The following SHROOM3 variants were observed in gnomAD, a reference collection of about 807,000 sequenced individuals.
The protein encoded by SHROOM3 is shroom family member 3.
SHROOM3 carries 47 observed loss-of-function variants against 138.6 expected under a neutral mutation model. The observed-to-expected ratio is 0.34, with a 90% confidence interval of 0.27 to 0.43. The LOEUF (loss-of-function observed/expected upper bound fraction) is 0.43, where lower values mean the gene tolerates loss of function less well. SHROOM3 is among the 20% of genes least tolerant of loss of function. The probability of loss-of-function intolerance (pLI) is 1.00; values close to 1 mark genes in which losing one functional copy is unlikely to be tolerated. For synonymous variants in SHROOM3, 1,062 were observed against 1,063.3 expected (o/e 1.00, Z 0.02); for missense variants, 2,491 against 2,596.5 (o/e 0.96, Z 0.88).
intron 1 of SHROOM3, among the ~76,000 whole-genome samples, chr4:76,520,985 G>A (rs1307249139): frequency 6.6e-6 from 1 of 152,198 alleles, no homozygotes; most frequent in Non-Finnish European, 1.5e-5. Context: ...TTCTGTTGTG[G>A]TAACGAGGGA....
At chr4:76,668,665 G>A (rs1324497541) in intron 2 of SHROOM3, among the ~76,000 whole-genome samples, 2 of 152,188 alleles carry the variant, frequency 1.3e-5, no homozygotes, top group African/African-American at 4.8e-5. Flanking sequence ...GAATGATAGG[G>A]ATTGTCAATG....
At chr4:76,773,103 G>A (rs1421078427) in intron 10 of SHROOM3, among the ~76,000 whole-genome samples, 8 of 152,214 alleles carry the variant, frequency 5.3e-5, no homozygotes, top group Admixed American at 3.3e-4. Context: ...AAGGCTGGGT[G>A]CAGTGGCTCA....
At chr4:76,481,986 G>T (rs1359112350) in intron 1 of SHROOM3, among the ~76,000 whole-genome samples, 1 of 152,032 alleles carries the variant, frequency 6.6e-6, no homozygotes, top group African/African-American at 2.4e-5. Context: ...AATAAACTAG[G>T]TATTGATGGA....
At chr4:76,467,560 A>G (rs1056908304) in intron 1 of SHROOM3, among the ~76,000 whole-genome samples, 2 of 152,166 alleles carry the variant, frequency 1.3e-5, no homozygotes, top group Non-Finnish European at 2.9e-5. Context: ...AATGAAGTAC[A>G]TACAGTCTAG....
chr4:76,765,949 T>G (rs746847238), intron 9 of SHROOM3, among the ~76,000 whole-genome samples: 1 of 152,366 alleles, frequency 6.6e-6, no homozygotes, highest in South Asian at 2.1e-4. Flanking sequence ...CTGTTATGAC[T>G]TCTTTTGAAA....
intron 2 of SHROOM3, among the ~76,000 whole-genome samples, chr4:76,677,518 A>G (rs1240824551): frequency 1.3e-5 from 2 of 152,228 alleles, no homozygotes; most frequent in Non-Finnish European, 2.9e-5. Flanking sequence ...GAGGTGAATG[A>G]CCAGGCAGCA....
intron 10 of SHROOM3, among the ~76,000 whole-genome samples, chr4:76,774,699 GT>G (rs1470183448): frequency 3.0e-5 from 4 of 135,370 alleles, no homozygotes; most frequent in Non-Finnish European, 6.4e-5. Context: ...GTCCCTCAGG[GT>G]TTTTTGGGGT....
chr4:76,635,190 C>A (rs1028635178), intron 2 of SHROOM3, among the ~76,000 whole-genome samples: 1 of 152,114 alleles, frequency 6.6e-6, no homozygotes, highest in African/African-American at 2.4e-5. Flanking sequence ...AGAGGAAGAC[C>A]CTCACTGAAC....
At chr4:76,464,880 A>G (rs544214254) in intron 1 of SHROOM3, among the ~76,000 whole-genome samples, 260 of 152,250 alleles carry the variant, frequency 1.7e-3, no homozygotes, top group African/African-American at 5.9e-3. Flanking sequence ...CTTCCTGTAG[A>G]GCCTGCAGGA....
At chr4:76,573,527 G>A (rs1300857551) in intron 2 of SHROOM3, 2 of 154,296 alleles carry the variant, frequency 1.3e-5, no homozygotes, top group Non-Finnish European at 2.9e-5. Flanking sequence ...TTGCTCAGAT[G>A]TCATCTTTTT....
intron 2 of SHROOM3, among the ~76,000 whole-genome samples, chr4:76,608,228 A>G (rs1478234765): frequency 2.0e-5 from 3 of 152,196 alleles, no homozygotes; most frequent in Non-Finnish European, 4.4e-5. Context: ...ACCAAAGCAC[A>G]GTTTTTAGCT....
intron 1 of SHROOM3, among the ~76,000 whole-genome samples, chr4:76,456,867 T>G (rs1731037558): frequency 6.6e-6 from 1 of 152,078 alleles, no homozygotes; most frequent in African/African-American, 2.4e-5. Context: ...GGCGGTGAAG[T>G]TAAGAGCAGT....
intron 3 of SHROOM3, among the ~76,000 whole-genome samples, chr4:76,729,736 G>C (rs996885982): frequency 2.0e-5 from 3 of 152,122 alleles, no homozygotes; most frequent in East Asian, 1.9e-4. Context: ...CCTGACACCT[G>C]GTCTAGTATT....
Position 76,754,849 on chromosome 4 carries a change from C to G in SHROOM3, c.4366C>G (p.His1456Asp), listed in dbSNP as rs780079121. Residue 1456 changes from histidine to aspartate, a missense_variant, in exon 7 of 11, where the codon CAC becomes GAC. Coordinates refer to ENST00000296043, the MANE Select transcript of SHROOM3 (RefSeq NM_020859.4). ...AGCCCCTGATTTTGCAAACCTGAAG[C>G]ACTATCAAAAACAGCAGAGTCTTCC... ...SSAPDFANLK[H>D]YQKQQSLPSL... The G allele has an allele frequency of 7.4e-6, 12 of 1,614,166 alleles. No individual in the cohort carries two copies. The East Asian group carries it at 2.7e-4, about 36-fold the overall frequency.
At chr4:76,647,128 G>A (rs1018617791) in intron 2 of SHROOM3, among the ~76,000 whole-genome samples, 1 of 152,164 alleles carries the variant, frequency 6.6e-6, no homozygotes, top group African/African-American at 2.4e-5. Context: ...GGAACTAGAG[G>A]TTCTTAACGT....
At position 76,678,967 on chromosome 4, in the gene SHROOM3, AT is replaced by A. The variant is rs200879692; in HGVS notation, c.324-31181del. On this transcript the variant is annotated intron_variant, in intron 2 of 10. Coordinates refer to ENST00000296043, the MANE Select transcript of SHROOM3 (RefSeq NM_020859.4). ...ATGAGCCACCCCACCCAGCCGAGCA[AT>A]TTTTTTTAAAAGTAATTTTAGTTTT... Among the ~76,000 whole-genome samples the A allele has an allele frequency of 9.7e-3, 1,472 of 152,192 alleles. 18 individuals are homozygous for A. The highest frequency in any genetic ancestry group is 0.037 in the South Asian group (179 of 4,808).
chr4:76,537,822 G>A (rs998500551), intron 1 of SHROOM3, among the ~76,000 whole-genome samples: 1 of 152,082 alleles, frequency 6.6e-6, no homozygotes. Flanking sequence ...TTTTTTTAGG[G>A]CATGATAAAT....
At chr4:76,588,143 G>A (rs1734189647) in intron 2 of SHROOM3, among the ~76,000 whole-genome samples, 1 of 152,128 alleles carries the variant, frequency 6.6e-6, no homozygotes, top group Non-Finnish European at 1.5e-5. Context: ...ATACTTAAAA[G>A]TAAACAAAGT....
chr4:76,546,215 A>G (rs1733214038), intron 1 of SHROOM3, among the ~76,000 whole-genome samples: 3 of 152,338 alleles, frequency 2.0e-5, no homozygotes, highest in South Asian at 2.1e-4. Flanking sequence ...TAAAAGGGCC[A>G]GAGTTGGGAT....
Sources: allele counts gnomAD v4.1 joint callset (sites outside exome capture counted in the v4.1 genomes callset), GRCh38; gene constraint gnomAD v4.1.1; transcripts MANE v1.5; gene names NCBI Gene and HGNC (gene_info 2026-07-23, HGNC 2026-07-21).